The following CNTNAP1 variants were observed in gnomAD, a reference collection of about 807,000 sequenced individuals.
The protein encoded by CNTNAP1 is contactin-associated protein 1.
A neutral mutation model predicts 161.5 loss-of-function variants in CNTNAP1; 80 were observed. The observed-to-expected ratio is 0.50, with a 90% CI of 0.41 to 0.60. The LOEUF (loss-of-function observed/expected upper bound fraction) is 0.60. Among genes scored for constraint, CNTNAP1 ranks in the 20% least tolerant of loss-of-function variants. The pLI is 0.00. For synonymous variants in CNTNAP1, 695 were observed against 733.1 expected (o/e 0.95, Z 0.84); for missense variants, 1,464 against 1,854.8 (o/e 0.79, Z 3.87).
intron 18 of CNTNAP1, 32 bp downstream of exon 18, chr17:42,693,568 G>A (rs367983819): frequency 6.2e-7 from 1 of 1,604,566 alleles, no homozygotes; most frequent in Non-Finnish European, 8.5e-7. Context: ...GCAACAGGGA[G>A]CCATAGGGTG....
rs1460242697 is a variant in CNTNAP1, at chr17:42,687,273, T to C, written c.1044+227T>C. The stretch of plus-strand genomic sequence containing the variant: ...TCCAATCACCTTCTTAGTTCATAGA[T>C]GAAGAAAGTAAGGCGCAGACACAGG... On this transcript the variant is annotated intron_variant, in intron 7 of 23. Coordinates refer to ENST00000264638, the MANE Select transcript of CNTNAP1 (RefSeq NM_003632.3). This position sits in a 1 kb window ranked among gnomAD's most constrained non-coding sequence, Gnocchi z 4.7. 3.5e-6 allele frequency: 2 copies of C among 571,574 alleles called. No individual in the cohort carries two copies. Among genetic ancestry groups the C allele is most frequent in the Non-Finnish European group, 6.0e-6 (2 of 331,186 alleles). 35.4% of individuals were successfully genotyped at this position (571,574 alleles called of 1,614,324 possible). A position where few individuals can be genotyped will look rare whatever the true frequency, so the allele number is the denominator to read the frequency against.
In CNTNAP1 at chr17:42,697,209, C is replaced by T. The variant is rs901496335; in HGVS notation, c.3475-65C>T. On this transcript the variant is annotated intron_variant, in intron 20 of 23. Coordinates refer to ENST00000264638, the MANE Select transcript of CNTNAP1 (RefSeq NM_003632.3). ...CAGGGTCCACACAGTTCCAGTCCAG[C>T]CCACAGGCATCTGCTTCTGGTCCCC... 20 of 1,121,412 alleles carry T rather than the reference C, an allele frequency of 1.8e-5. No individual in the cohort carries two copies. The African/African-American group carries it at 2.6e-4, about 15-fold the overall frequency. 69.5% of individuals were successfully genotyped at this position (1,121,412 alleles called of 1,614,324 possible).
chr17:42,683,480 G>A, intron 1 of CNTNAP1: 1 of 1,155,100 alleles, frequency 8.7e-7, no homozygotes, highest in South Asian at 2.4e-5. Context: ...GAGCTGGATT[G>A]GTGTCTTGGG....
At position 42,695,634 on chromosome 17, in the gene CNTNAP1, G is replaced by A. The variant is rs1284722457; in HGVS notation, c.3106G>A (p.Glu1036Lys). ...HMLSRPVPGYEPGYIPGYDTP... is the reference protein window; with the variant it reads ...HMLSRPVPGYKPGYIPGYDTP... ...GCTGAGCCGGCCAGTGCCAGGCTAT[G>A]AGCCTGGCTACATCCCGGGCTATGA... The change falls in exon 19 of 24, where the codon GAG becomes AAG. Residue 1036 changes from glutamate (E) to lysine (K), a missense_variant. By Grantham distance (56) the Glu-to-Lys change is moderately conservative (BLOSUM62 1). Coordinates refer to ENST00000264638, the MANE Select transcript of CNTNAP1 (RefSeq NM_003632.3). 2.5e-6 allele frequency: 4 copies of A among 1,614,058 alleles called. No homozygotes were observed. Among genetic ancestry groups the A allele is most frequent in the African/African-American group, 2.7e-5 (2 of 74,918 alleles).
At chr17:42,683,014 G>T (rs1270745516) in intron 1 of CNTNAP1, 118 bp downstream of exon 1, 4 of 955,276 alleles carry the variant, frequency 4.2e-6, no homozygotes, top group Non-Finnish European at 6.1e-6. Flanking sequence ...GCGCGCGCCC[G>T]CTGGCTCTCA....
intron 23 of CNTNAP1, 66 bp from the exon 24 acceptor site, chr17:42,698,534 CGTGTGTGTGTGTGTGTGT>C (rs112344327): frequency 3.5e-6 from 3 of 865,206 alleles, no homozygotes; most frequent in African/African-American, 1.9e-5. Context: ...TCAAAGAGTG[CGTGTGTGTGTGTGTGTGT>C]GTGTGTGTGT....
Position 42,693,417 on chromosome 17 carries a change from C to T in CNTNAP1, c.2873C>T (p.Thr958Ile). ...NASEGTSPNCTGHCAHPRLPC... is the reference protein window; with the variant it reads ...NASEGTSPNCIGHCAHPRLPC... ...TCTGAGGGTACCTCACCCAACTGCA[C>T]AGGCCACTGTGCCCACCCTCGGCTC... Residue 958 changes from threonine to isoleucine, a missense_variant, in exon 18 of 24, where the codon ACA becomes ATA. Around this residue, in one of 3 missense-constraint regions of CNTNAP1, gnomAD observed 1,383 missense variants for 1,765.0 expected, o/e 0.78. Coordinates refer to ENST00000264638, the MANE Select transcript of CNTNAP1 (RefSeq NM_003632.3). 6.2e-7 allele frequency: 1 copy of T among 1,614,268 alleles called. No individual in the cohort carries two copies. The highest frequency in any genetic ancestry group is 8.5e-7 in the Non-Finnish European group (1 of 1,180,054).
chr17:42,697,966 C>A lies in CNTNAP1; in HGVS notation c.3862+16C>A, dbSNP rs1402975855. 6.2e-7 allele frequency: 1 copy of A among 1,613,966 alleles called. No homozygotes were observed. The highest frequency in any genetic ancestry group is 2.2e-5 in the East Asian group (1 of 44,894). ...CTTTTAGGCTGTGAGTAGCACTGAT[C>A]ACTAAGCTGACCTCCCAAGACTACC... is the stretch of plus-strand genomic sequence containing the variant. On this transcript the variant is annotated intron_variant, in intron 23 of 23. Coordinates refer to ENST00000264638, the MANE Select transcript of CNTNAP1 (RefSeq NM_003632.3).
Position 42,695,811 on chromosome 17 carries a change from G to T in CNTNAP1, c.3283G>T (p.Ala1095Ser). 4 of 1,614,220 alleles carry T rather than the reference G, an allele frequency of 2.5e-6. No homozygotes were observed. The highest frequency in any genetic ancestry group is 3.4e-6 in the Non-Finnish European group (4 of 1,180,038). Residue 1095 changes from alanine (A) to serine (S), a missense_variant, in exon 19 of 24, where the codon GCT becomes TCT. This residue lies in a region of CNTNAP1 where 1,383 missense variants were observed against 1,765.0 expected (regional missense o/e 0.78). Coordinates refer to ENST00000264638, the MANE Select transcript of CNTNAP1 (RefSeq NM_003632.3). ...SFSFSTSSAPAVLLYVSSFVR... is the reference protein window; with the variant it reads ...SFSFSTSSAPSVLLYVSSFVR... ...CAGCTTCAGCACCAGCTCCGCCCCTGCTGTCCTGCTCTACGTCAGTTCCTT... is the reference window on the plus strand; with the variant it reads ...CAGCTTCAGCACCAGCTCCGCCCCTTCTGTCCTGCTCTACGTCAGTTCCTT...
In CNTNAP1 at chr17:42,686,477, T is replaced by TTTTG. The variant is rs759434003; in HGVS notation, c.900+339_900+340insGTTT. Reference sequence around the variant, plus strand: ...TCACCAGAAAAAGGCCTGTTTTTTTTTTTTTTTTTTTTTTTTGTGGGTGTT... The same window carrying TTTTG: ...TCACCAGAAAAAGGCCTGTTTTTTTTTTTGTTTTTTTTTTTTTTTTGTGGGTGTT... On this transcript the variant is annotated intron_variant, in intron 6 of 23. Coordinates refer to ENST00000264638, the MANE Select transcript of CNTNAP1 (RefSeq NM_003632.3). Among the ~76,000 whole-genome samples the TTTTG allele has an allele frequency of 6.0e-4, 53 of 87,974 alleles. 4 individuals are homozygous for TTTTG. Among genetic ancestry groups the TTTTG allele is most frequent in the Admixed American group, 2.4e-3 (22 of 8,986 alleles). 57.7% of individuals were successfully genotyped at this position (87,974 alleles called of 152,430 possible).
chr17:42,693,348 G>A lies in CNTNAP1; in HGVS notation c.2804G>A (p.Arg935His), dbSNP rs140099235. Residue 935 changes from arginine (R) to histidine (H), a missense_variant, in exon 18 of 24, where the codon CGT (arginine) becomes CAT (histidine). Physicochemically the swap from Arg to His is conservative, Grantham distance 29. This residue lies in a region of CNTNAP1 where 1,383 missense variants were observed against 1,765.0 expected (regional missense o/e 0.78). Transcript: ENST00000264638. The part of the protein sequence containing the change: ...RPFVGCLRAM[R>H]LNGVTLNLEG... Reference sequence around the variant, plus strand: ...TTTGTGGGTTGCTTGAGGGCCATGCGTCTGAACGGAGTGACTCTGAACCTG... The same window carrying A: ...TTTGTGGGTTGCTTGAGGGCCATGCATCTGAACGGAGTGACTCTGAACCTG... 81 of 1,614,184 alleles carry A rather than the reference G, an allele frequency of 5.0e-5. No homozygotes were observed. The African/African-American group carries it at 6.8e-4, about 14-fold the overall frequency.
In CNTNAP1 at chr17:42,688,996, G is replaced by A. The variant is rs137982413; in HGVS notation, c.1577G>A (p.Arg526Gln). 2,633 of 1,611,464 alleles carry A rather than the reference G, an allele frequency of 1.6e-3. 2 individuals carry two copies. Among genetic ancestry groups the A allele is most frequent in the South Asian group, 2.6e-3 (238 of 90,640 alleles). ...LVNLTLVEGRRLGFYAEVLFD... is the reference protein window; with the variant it reads ...LVNLTLVEGRQLGFYAEVLFD... ...AACCTGACTCTGGTGGAGGGCCGGC[G>A]GCTTGGATTCTATGCTGAGGTCCTC... The change falls in exon 10 of 24, where the codon CGG becomes CAG. Residue 526 changes from arginine (R) to glutamine (Q), a missense_variant. By Grantham distance (43) the Arg-to-Gln change is conservative (BLOSUM62 1). Around this residue, in one of 3 missense-constraint regions of CNTNAP1, gnomAD observed 1,383 missense variants for 1,765.0 expected, o/e 0.78. Transcript: ENST00000264638.
intron 20 of CNTNAP1, 147 bp downstream of exon 20, chr17:42,696,299 C>A: frequency 1.0e-6 from 1 of 996,906 alleles, no homozygotes; most frequent in Non-Finnish European, 1.4e-6. Flanking sequence ...GTAACCCTCA[C>A]AATAGCTCCA....
In CNTNAP1 at chr17:42,690,156, C is replaced by T; in HGVS notation, c.1804C>T (p.Pro602Ser). The T allele has an allele frequency of 1.2e-6, 2 of 1,614,024 alleles. No individual in the cohort carries two copies. The highest frequency in any genetic ancestry group is 1.6e-4 in the Middle Eastern group (1 of 6,062). ...AACTTCTGGAAACTTCACCATTGATCCTGATGGCAGTGGCCCCCTGAAGCC... is the reference window on the plus strand; with the variant it reads ...AACTTCTGGAAACTTCACCATTGATTCTGATGGCAGTGGCCCCCTGAAGCC... ...GKTSGNFTID[P>S]DGSGPLKPFV... is the part of the protein sequence containing the mutation. Residue 602 changes from proline (P) to serine (S), a missense_variant, in exon 12 of 24, where the codon CCT (proline) becomes TCT (serine). Around this residue, in one of 3 missense-constraint regions of CNTNAP1, gnomAD observed 1,383 missense variants for 1,765.0 expected, o/e 0.78. Transcript: ENST00000264638.
At chr17:42,693,008 G>C (rs891867233) in intron 17 of CNTNAP1, among the ~76,000 whole-genome samples, 18 of 149,990 alleles carry the variant, frequency 1.2e-4, no homozygotes, top group African/African-American at 3.7e-4. Context: ...CCAGGCTGGA[G>C]TGCAGTGGCA....
chr17:42,682,906 G>T lies in CNTNAP1; in HGVS notation c.67+10G>T. Reference sequence around the variant, plus strand: ...GAGGGCTGGGGCTACTGTGAGTGTTGGGCTTGGAGGCAGGTGGGGTTGGGC... The same window carrying T: ...GAGGGCTGGGGCTACTGTGAGTGTTTGGCTTGGAGGCAGGTGGGGTTGGGC... On this transcript the variant is annotated intron_variant, in intron 1 of 23. Transcript: ENST00000264638. 1 of 1,596,130 alleles carries T rather than the reference G, an allele frequency of 6.3e-7. No individual in the cohort carries two copies.
chr17:42,687,435 G>A lies in CNTNAP1; in HGVS notation c.1045-285G>A, dbSNP rs1415641066. 1.9e-6 allele frequency: 1 copy of A among 539,098 alleles called. No individual in the cohort carries two copies. Among genetic ancestry groups the A allele is most frequent in the South Asian group, 2.3e-5 (1 of 42,704 alleles). 33.4% of individuals were successfully genotyped at this position (539,098 alleles called of 1,614,324 possible). A position where few individuals can be genotyped will look rare whatever the true frequency, so the allele number is the denominator to read the frequency against. On this transcript the variant is annotated intron_variant, in intron 7 of 23. Coordinates refer to ENST00000264638, the MANE Select transcript of CNTNAP1 (RefSeq NM_003632.3). This position sits in a 1 kb window ranked among gnomAD's most constrained non-coding sequence, Gnocchi z 4.7. ...GAAGCTGGCAGGAGCCAGGTCTGTG[G>A]TCCAAAATTGCCTCTCGATACTGGA...
intron 18 of CNTNAP1, among the ~76,000 whole-genome samples, chr17:42,693,973 G>A (rs567940198): frequency 7.9e-4 from 120 of 151,004 alleles, no homozygotes; most frequent in Non-Finnish European, 1.5e-3. Context: ...CGATTCTTTT[G>A]CCTCAGCCTC....
chr17:42,687,123 A>C lies in CNTNAP1; in HGVS notation c.1044+77A>C, dbSNP rs1252451068. 1.6e-5 allele frequency: 24 copies of C among 1,545,806 alleles called. No individual in the cohort carries two copies. The highest frequency in any genetic ancestry group is 2.7e-5 in the African/African-American group (2 of 73,170). ...GCAAAGAGGTGGAGCGGGAAGAGAT[A>C]TTGAACATCAGATAAAAGCGGAGAA... On this transcript the variant is annotated intron_variant, in intron 7 of 23. Coordinates refer to ENST00000264638, the MANE Select transcript of CNTNAP1 (RefSeq NM_003632.3). This position sits in a 1 kb window ranked among gnomAD's most constrained non-coding sequence, Gnocchi z 4.7.
Sources: allele counts gnomAD v4.1 joint callset (sites outside exome capture counted in the v4.1 genomes callset), GRCh38; gene constraint gnomAD v4.1.1; regional missense constraint gnomAD v4.1.1; non-coding constraint Gnocchi (gnomAD v3.1); transcripts MANE v1.5; gene names NCBI Gene and HGNC (gene_info 2026-07-23, HGNC 2026-07-21).